Variants in LRRC4C observed in about 807,000 individuals in gnomAD.
LRRC4C encodes the protein leucine rich repeat containing 4C.
A neutral mutation model predicts 33.6 loss-of-function variants in LRRC4C; 5 were observed. The observed-to-expected ratio is 0.15, with a 90% CI of 0.08 to 0.31. LRRC4C has a LOEUF of 0.31. Ranked by LOEUF, LRRC4C falls within the 10% of genes least tolerant of loss-of-function variation. The pLI is 1.00. For missense variants in LRRC4C, 560 were observed against 796.7 expected, an observed-to-expected ratio of 0.70 and a Z score of 3.58; for synonymous variants, 329 against 302.0, an observed-to-expected ratio of 1.09 and a Z score of -0.93.
intron 2 of LRRC4C, among the ~76,000 whole-genome samples, chr11:40,704,581 G>C (rs1287828846): frequency 6.6e-6 from 1 of 152,056 alleles, no homozygotes; most frequent in Non-Finnish European, 1.5e-5. Flanking sequence ...AGAAACCCGG[G>C]AAACTAACCC....
At chr11:40,670,315 T>C (rs376465430) in intron 2 of LRRC4C, among the ~76,000 whole-genome samples, 2 of 152,196 alleles carry the variant, frequency 1.3e-5, no homozygotes, top group South Asian at 4.1e-4. Flanking sequence ...TCTTGGGCCA[T>C]TGGGAATATG....
At chr11:40,924,017 A>G (rs1308814831) in intron 2 of LRRC4C, among the ~76,000 whole-genome samples, 1 of 150,626 alleles carries the variant, frequency 6.6e-6, no homozygotes, top group Non-Finnish European at 1.5e-5. Flanking sequence ...TAATTAAAGG[A>G]AATAAAGTCA....
intron 1 of LRRC4C, among the ~76,000 whole-genome samples, chr11:41,267,344 G>A (rs1949183582): frequency 6.6e-6 from 1 of 152,038 alleles, no homozygotes; most frequent in Non-Finnish European, 1.5e-5. Context: ...ATAGTGAAAA[G>A]AACGTAAATA....
chr11:40,755,192 TACA>T (rs1411280339), intron 2 of LRRC4C, among the ~76,000 whole-genome samples: 5 of 152,130 alleles, frequency 3.3e-5, no homozygotes, highest in East Asian at 3.9e-4. Flanking sequence ...GAAGTACCAC[TACA>T]ACAACTACTA....
chr11:40,673,719 C>A (rs931791590), intron 2 of LRRC4C, among the ~76,000 whole-genome samples: 14 of 152,282 alleles, frequency 9.2e-5, no homozygotes, highest in Admixed American at 9.2e-4. Flanking sequence ...TTAGTTCTAA[C>A]GGATGCCAGA....
intron 2 of LRRC4C, among the ~76,000 whole-genome samples, chr11:40,768,976 C>G (rs899486430): frequency 1.3e-5 from 2 of 151,848 alleles, no homozygotes; most frequent in Non-Finnish European, 2.9e-5. Flanking sequence ...ACTATTAGTC[C>G]CAGCTAGTGT....
chr11:40,497,402 TA>T (rs369417848), intron 3 of LRRC4C, among the ~76,000 whole-genome samples: 1,463 of 145,268 alleles, frequency 0.01, 14 homozygotes, highest in African/African-American at 0.035. Context: ...AAAATTCCAT[TA>T]AAAAAAAAAG....
intron 1 of LRRC4C, among the ~76,000 whole-genome samples, chr11:41,187,054 T>G (rs1404762431): frequency 1.3e-5 from 2 of 152,208 alleles, no homozygotes; most frequent in East Asian, 3.8e-4. Flanking sequence ...TTAAGCTCCC[T>G]GATTATATAC....
intron 2 of LRRC4C, among the ~76,000 whole-genome samples, chr11:40,853,969 A>G (rs1460865364): frequency 6.6e-6 from 1 of 152,222 alleles, no homozygotes; most frequent in African/African-American, 2.4e-5. Context: ...TCATCAACTT[A>G]TCAACTGGAA....
At chr11:41,345,517 C>T (rs1258724704) in intron 1 of LRRC4C, among the ~76,000 whole-genome samples, 10 of 152,138 alleles carry the variant, frequency 6.6e-5, no homozygotes, top group Non-Finnish European at 8.8e-5. Flanking sequence ...GGCTGGGCTA[C>T]AACAACTGCC....
intron 3 of LRRC4C, among the ~76,000 whole-genome samples, chr11:40,457,597 G>A (rs931764331): frequency 1.3e-5 from 2 of 152,094 alleles, no homozygotes; most frequent in South Asian, 4.1e-4. Context: ...CTCTGGCCCA[G>A]AAAACTGAGA....
chr11:41,450,713 G>A (rs1955991153), intron 1 of LRRC4C, among the ~76,000 whole-genome samples: 1 of 152,054 alleles, frequency 6.6e-6, no homozygotes, highest in Non-Finnish European at 1.5e-5. Context: ...TCAATTTTGT[G>A]GGTTTTTACA....
At chr11:40,314,890 A>G (rs936147920) in intron 4 of LRRC4C, among the ~76,000 whole-genome samples, 6 of 152,162 alleles carry the variant, frequency 3.9e-5, no homozygotes, top group African/African-American at 1.4e-4. Context: ...AAGATAGTAG[A>G]GTCTGGGAAG....
At chr11:41,360,679 C>A (rs1214459633) in intron 1 of LRRC4C, among the ~76,000 whole-genome samples, 1 of 151,944 alleles carries the variant, frequency 6.6e-6, no homozygotes, top group Admixed American at 6.6e-5. Context: ...ACAGCATGTG[C>A]AAAGAACACC....
At chr11:40,819,707 G>A (rs1430341445) in intron 2 of LRRC4C, among the ~76,000 whole-genome samples, 1 of 147,082 alleles carries the variant, frequency 6.8e-6, no homozygotes, top group African/African-American at 2.6e-5. Context: ...GAAAATAAAT[G>A]CCAGGGAAGG....
chr11:40,402,744 A>G (rs1039528827), intron 3 of LRRC4C, among the ~76,000 whole-genome samples: 8 of 152,134 alleles, frequency 5.3e-5, no homozygotes, highest in African/African-American at 1.7e-4. Context: ...AGAAATTTAT[A>G]TATACCCAGA....
chr11:40,664,183 CAACTTAAGCTTTAAATGCATATCTT>C (rs1188864018), intron 2 of LRRC4C, among the ~76,000 whole-genome samples: 5 of 152,112 alleles, frequency 3.3e-5, no homozygotes, highest in Non-Finnish European at 7.4e-5. Flanking sequence ...GGATGCATGA[CAACTTAAGCTTTAAATGCATATCTT>C]ATATAGCATT....
At chr11:40,405,727 T>C (rs1461713285) in intron 3 of LRRC4C, among the ~76,000 whole-genome samples, 1 of 148,046 alleles carries the variant, frequency 6.8e-6, no homozygotes, top group Non-Finnish European at 1.5e-5. Flanking sequence ...AAAGAAGTTT[T>C]GAGAAACTTT....
intron 1 of LRRC4C, among the ~76,000 whole-genome samples, chr11:41,427,860 C>T (rs1955095220): frequency 6.6e-6 from 1 of 152,072 alleles, no homozygotes. Flanking sequence ...ATGACATTAC[C>T]TTGTGAAATT....
Sources: allele counts gnomAD v4.1 joint callset (sites outside exome capture counted in the v4.1 genomes callset), GRCh38; gene constraint gnomAD v4.1.1; transcripts MANE v1.5; gene names NCBI Gene and HGNC (gene_info 2026-07-23, HGNC 2026-07-21).